The following NELL1 variants were observed in gnomAD, a reference collection of about 807,000 sequenced individuals.
NELL1 encodes neural EGFL like 1.
In NELL1, 76 loss-of-function variants were observed where a neutral mutation model predicts 107.4. The observed-to-expected ratio is 0.71, with a 90% CI of 0.59 to 0.86. The LOEUF (loss-of-function observed/expected upper bound fraction) is 0.86. Among genes scored for constraint, NELL1 ranks in the 40% least tolerant of loss-of-function variants. The pLI is 0.00. For synonymous variants in NELL1, 353 were observed against 341.2 expected, an observed-to-expected ratio of 1.03 and a Z score of -0.38; for missense variants, 1,024 against 1,005.5, an observed-to-expected ratio of 1.02 and a Z score of -0.25.
At chr11:21,544,578 A>T (rs1449068115) in intron 16 of NELL1, among the ~76,000 whole-genome samples, 10 of 151,934 alleles carry the variant, frequency 6.6e-5, no homozygotes. Context: ...TAATTACTTC[A>T]TGTTCTAGGT....
At chr11:21,464,927 G>A (rs1390739157) in intron 15 of NELL1, among the ~76,000 whole-genome samples, 1 of 152,130 alleles carries the variant, frequency 6.6e-6, no homozygotes, top group Non-Finnish European at 1.5e-5. Flanking sequence ...TTTTCTGGAA[G>A]CACTCTGCTG....
chr11:21,435,497 TTTTTTG>T (rs773141059), intron 15 of NELL1, among the ~76,000 whole-genome samples: 22 of 127,306 alleles, frequency 1.7e-4, no homozygotes, highest in Middle Eastern at 4.0e-3. Flanking sequence ...TTGTTTTTTG[TTTTTTG>T]TTTTTTTTTA....
intron 15 of NELL1, among the ~76,000 whole-genome samples, chr11:21,496,779 C>A (rs1222679446): frequency 6.6e-6 from 1 of 152,086 alleles, no homozygotes; most frequent in Admixed American, 6.6e-5. Context: ...TTTCTTGTTT[C>A]ATTTCAAATT....
intron 15 of NELL1, among the ~76,000 whole-genome samples, chr11:21,475,440 T>C (rs1453827898): frequency 1.3e-5 from 2 of 152,160 alleles, no homozygotes; most frequent in African/African-American, 2.4e-5. Context: ...GTCACATAAC[T>C]TATAGTGCCC....
chr11:21,197,614 A>G (rs1002953583), intron 13 of NELL1, among the ~76,000 whole-genome samples: 2 of 152,158 alleles, frequency 1.3e-5, no homozygotes, highest in Non-Finnish European at 2.9e-5. Context: ...TATTTTGAAT[A>G]CTGCAAAATT....
chr11:21,253,704 G>A (rs1157568331), intron 14 of NELL1, among the ~76,000 whole-genome samples: 10 of 152,116 alleles, frequency 6.6e-5, no homozygotes, highest in African/African-American at 2.4e-4. Flanking sequence ...GATAGAACAT[G>A]TGATCATTCT....
chr11:20,887,695 T>C (rs542859784), intron 5 of NELL1, among the ~76,000 whole-genome samples: 4 of 152,254 alleles, frequency 2.6e-5, no homozygotes, highest in South Asian at 2.1e-4. Context: ...ACTTGAAGGG[T>C]TGCAGACTTG....
chr11:21,278,586 A>G (rs1191426416), intron 14 of NELL1, among the ~76,000 whole-genome samples: 1 of 152,170 alleles, frequency 6.6e-6, no homozygotes, highest in Admixed American at 6.6e-5. Context: ...CTAACAAAAC[A>G]TGGACGAGAT....
At chr11:20,755,173 GTTAC>G (rs1856232561) in intron 2 of NELL1, among the ~76,000 whole-genome samples, 1 of 152,102 alleles carries the variant, frequency 6.6e-6, no homozygotes, top group Non-Finnish European at 1.5e-5. Flanking sequence ...AGGGGGCGCT[GTTAC>G]TTAGAGGGCT....
intron 2 of NELL1, among the ~76,000 whole-genome samples, chr11:20,772,047 C>G (rs1856650808): frequency 6.6e-6 from 1 of 152,084 alleles, no homozygotes; most frequent in Non-Finnish European, 1.5e-5. Flanking sequence ...ACATGATGCC[C>G]TACTGTTTAC....
chr11:21,252,038 CTG>C (rs1255519956), intron 14 of NELL1, among the ~76,000 whole-genome samples: 1 of 152,046 alleles, frequency 6.6e-6, no homozygotes, highest in East Asian at 1.9e-4. Context: ...ACACGCAAGA[CTG>C]TGTCACATGT....
intron 2 of NELL1, among the ~76,000 whole-genome samples, chr11:20,758,610 C>T (rs1451157780): frequency 3.9e-5 from 6 of 152,126 alleles, no homozygotes; most frequent in African/African-American, 1.4e-4. Context: ...GAGAGAATTC[C>T]CAAAGTAGTG....
At chr11:21,344,502 A>G (rs1850643638) in intron 14 of NELL1, among the ~76,000 whole-genome samples, 1 of 152,108 alleles carries the variant, frequency 6.6e-6, no homozygotes, top group Admixed American at 6.5e-5. Flanking sequence ...TAGGCCTCTC[A>G]TAACAATTTT....
At chr11:21,542,726 A>C (rs946628713) in intron 16 of NELL1, among the ~76,000 whole-genome samples, 1 of 152,104 alleles carries the variant, frequency 6.6e-6, no homozygotes, top group Non-Finnish European at 1.5e-5. Context: ...AATGATCGGC[A>C]GATTTTTAAA....
chr11:21,122,336 G>A (rs2133743880), intron 13 of NELL1, among the ~76,000 whole-genome samples: 1 of 152,282 alleles, frequency 6.6e-6, no homozygotes, highest in East Asian at 1.9e-4. Flanking sequence ...TTACAAAATT[G>A]TTGAGGCTGG....
chr11:21,110,179 C>T (rs1406793383), intron 12 of NELL1, among the ~76,000 whole-genome samples: 1 of 152,094 alleles, frequency 6.6e-6, no homozygotes. Context: ...ATCAACTTTT[C>T]ATCTTTATTT....
At chr11:20,711,396 G>T (rs1317066030) in intron 2 of NELL1, among the ~76,000 whole-genome samples, 3 of 152,102 alleles carry the variant, frequency 2.0e-5, no homozygotes, top group African/African-American at 7.2e-5. Flanking sequence ...GTTTTGAGAT[G>T]TGAGGTACTG....
intron 10 of NELL1, among the ~76,000 whole-genome samples, chr11:20,940,552 T>C (rs1252050107): frequency 2.6e-5 from 4 of 152,150 alleles, no homozygotes; most frequent in African/African-American, 9.7e-5. Flanking sequence ...CCTGGCCCCT[T>C]GGGCTTCTTT....
intron 12 of NELL1, among the ~76,000 whole-genome samples, chr11:21,047,617 C>T (rs1423756012): frequency 2.0e-5 from 3 of 152,268 alleles, no homozygotes; most frequent in African/African-American, 7.2e-5. Context: ...TAGTATTTTA[C>T]ACCAGAACTG....
Sources: gnomAD v4.1 joint callset for allele counts (sites outside exome capture counted in the v4.1 genomes callset) on GRCh38, gnomAD v4.1.1 for gene constraint, MANE v1.5 for transcripts, NCBI Gene and HGNC (gene_info 2026-07-23, HGNC 2026-07-21) for gene names.